The following VAX2 variants were observed in gnomAD, a reference collection of about 807,000 sequenced individuals.
VAX2 encodes the protein ventral anterior homeobox 2.
Under a neutral mutation model 12.5 loss-of-function variants are expected in VAX2, and 8 were observed. The observed-to-expected ratio is 0.64, with a 90% CI of 0.37 to 1.15. The LOEUF (loss-of-function observed/expected upper bound fraction) is 1.15. VAX2 is among the 50% of genes most tolerant of loss of function. VAX2 has a pLI of 0.01. For missense variants in VAX2, 476 were observed against 412.9 expected, an observed-to-expected ratio of 1.15 and a Z score of -1.32; for synonymous variants, 183 against 187.6, an observed-to-expected ratio of 0.98 and a Z score of 0.20.
intron 1 of VAX2, among the ~76,000 whole-genome samples, chr2:70,905,624 G>T (rs182082191): frequency 6.6e-6 from 1 of 152,148 alleles, no homozygotes; most frequent in African/African-American, 2.4e-5. Context: ...TCTGTTCCCC[G>T]CCTGGTCTGG....
chr2:70,908,512 A>T (rs1181834411), intron 1 of VAX2, among the ~76,000 whole-genome samples: 2 of 152,180 alleles, frequency 1.3e-5, no homozygotes, highest in African/African-American at 4.8e-5. Context: ...ATAATATTCC[A>T]TTTAAGTGGA....
intron 1 of VAX2, among the ~76,000 whole-genome samples, chr2:70,918,863 CAAAAA>C (rs531465293): frequency 1.0e-5 from 1 of 99,434 alleles, no homozygotes. Context: ...CCAGCCGTCT[CAAAAA>C]AAAAAAAAAA....
At chr2:70,917,451 G>A (rs1679335190) in intron 1 of VAX2, among the ~76,000 whole-genome samples, 1 of 152,014 alleles carries the variant, frequency 6.6e-6, no homozygotes, top group African/African-American at 2.4e-5. Flanking sequence ...AAACTGCCTG[G>A]CTAGTAGTAC....
At chr2:70,905,031 C>T (rs530800887) in intron 1 of VAX2, among the ~76,000 whole-genome samples, 1 of 152,192 alleles carries the variant, frequency 6.6e-6, no homozygotes, top group African/African-American at 2.4e-5. Flanking sequence ...CGCCTCGCCT[C>T]CAGCAGCCGG....
chr2:70,904,433 C>T lies in VAX2; in HGVS notation c.247+3565C>T, dbSNP rs559672095. Among the ~76,000 whole-genome samples the T allele has an allele frequency of 1.3e-5, 2 of 152,292 alleles. No homozygotes were observed. Among genetic ancestry groups the T allele is most frequent in the African/African-American group, 4.8e-5 (2 of 41,564 alleles). The stretch of plus-strand genomic sequence containing the variant: ...CCTGCACGCTCAAACGCACCTGTTT[C>T]CCAAATTAATCCAGACGCGAATTTA... On this transcript the variant is annotated intron_variant, in intron 1 of 2. Coordinates refer to ENST00000234392, the MANE Select transcript of VAX2 (RefSeq NM_012476.3). This position sits in a 1 kb window ranked among gnomAD's most constrained non-coding sequence, Gnocchi z 4.2.
rs1679422856 is a variant in VAX2 at position 70,920,261 on chromosome 2, C to T, written c.248-837C>T. On this transcript the variant is annotated intron_variant, in intron 1 of 2. Coordinates refer to ENST00000234392, the MANE Select transcript of VAX2 (RefSeq NM_012476.3). ...TTCTAATAACTAGATTTCAAGCCATCAGTATATGTGGGTCACACATGGATC... is the reference window on the plus strand; with the variant it reads ...TTCTAATAACTAGATTTCAAGCCATTAGTATATGTGGGTCACACATGGATC... Among the ~76,000 whole-genome samples the T allele has an allele frequency of 2.6e-5, 4 of 152,298 alleles. No homozygotes were observed. In the South Asian group the frequency reaches 8.3e-4, roughly 32 times the overall value.
chr2:70,915,179 A>C (rs534808262), intron 1 of VAX2, among the ~76,000 whole-genome samples: 2 of 151,934 alleles, frequency 1.3e-5, no homozygotes, highest in Non-Finnish European at 2.9e-5. Context: ...TTGTCATCCA[A>C]GTTTTTAGCT....
chr2:70,933,322 A>C lies in VAX2; in HGVS notation c.*118A>C. 1 of 1,038,984 alleles carries C rather than the reference A, an allele frequency of 9.6e-7. No homozygotes were observed. The highest frequency in any genetic ancestry group is 1.3e-6 in the Non-Finnish European group (1 of 778,516). The allele number at this position is 1,038,984 out of a possible 1,614,324, so 64.4% of individuals were successfully genotyped here. A position where few individuals can be genotyped will look rare whatever the true frequency, so the allele number is the denominator to read the frequency against. On this transcript the variant is annotated 3_prime_UTR_variant, in exon 3 of 3. Coordinates refer to ENST00000234392, the MANE Select transcript of VAX2 (RefSeq NM_012476.3). ...GGGCTGCAGCCACACACTCTTCCCC[A>C]CCTGCCCCCCAGCTCAGAGACTCGT...
Position 70,900,963 on chromosome 2 carries a change from A to G in VAX2, c.247+95A>G, listed in dbSNP as rs1678910469. ...CTGCAGCTGACACCTCTCAATTCAT[A>G]TATTCATTCATTCGTCATCCAGTCA... On this transcript the variant is annotated intron_variant, in intron 1 of 2. Transcript: ENST00000234392. The G allele has an allele frequency of 3.6e-6, 4 of 1,121,106 alleles. No individual in the cohort carries two copies. In the South Asian group the frequency reaches 9.4e-5, roughly 26 times the overall value. The allele number at this position is 1,121,106 out of a possible 1,614,324, so 69.4% of individuals were successfully genotyped here. A position where few individuals can be genotyped will look rare whatever the true frequency, so the allele number is the denominator to read the frequency against.
chr2:70,908,446 T>C (rs1679110211), intron 1 of VAX2, among the ~76,000 whole-genome samples: 1 of 152,364 alleles, frequency 6.6e-6, no homozygotes, highest in Non-Finnish European at 1.5e-5. Flanking sequence ...ATAACTTTTT[T>C]CTTCCAATAT....
intron 1 of VAX2, among the ~76,000 whole-genome samples, chr2:70,912,489 C>G (rs1338410226): frequency 2.0e-5 from 3 of 152,046 alleles, no homozygotes; most frequent in African/African-American, 4.8e-5. Context: ...TGGCGAAACC[C>G]CGTCCCTACT....
rs2104751582 is a variant in VAX2, at chr2:70,900,732, T to G, written c.111T>G (p.Asp37Glu). ...DRSGAGDLRADGGGHSPTEVA... is the reference protein window; with the variant it reads ...DRSGAGDLRAEGGGHSPTEVA... ...GCGGAGCGGGGGACTTGCGAGCTGA[T>G]GGCGGTGGCCACAGCCCAACGGAGG... The change falls in exon 1 of 3, where the codon GAT (aspartate) becomes GAG (glutamate). Residue 37 changes from aspartate to glutamate, a missense_variant. Coordinates refer to ENST00000234392, the MANE Select transcript of VAX2 (RefSeq NM_012476.3). 1 of 1,423,328 alleles carries G rather than the reference T, an allele frequency of 7.0e-7. No homozygotes were observed. The highest frequency in any genetic ancestry group is 3.0e-5 in the East Asian group (1 of 32,946). The allele number at this position is 1,423,328 out of a possible 1,614,324, so 88.2% of individuals were successfully genotyped here.
At chr2:70,919,719 G>C (rs1160119085) in intron 1 of VAX2, among the ~76,000 whole-genome samples, 1 of 152,096 alleles carries the variant, frequency 6.6e-6, no homozygotes, top group African/African-American at 2.4e-5. Flanking sequence ...GGGCGTGGTG[G>C]TGTGCTCCTG....
chr2:70,910,572 A>G (rs1679159698), intron 1 of VAX2, among the ~76,000 whole-genome samples: 1 of 152,084 alleles, frequency 6.6e-6, no homozygotes, highest in Non-Finnish European at 1.5e-5. Context: ...ATCTCATTTT[A>G]TTAGTAGTTT....
At chr2:70,930,690 T>C (rs1175403624) in intron 2 of VAX2, among the ~76,000 whole-genome samples, 9 of 152,238 alleles carry the variant, frequency 5.9e-5, no homozygotes, top group African/African-American at 2.2e-4. Context: ...CCAGTCTGTC[T>C]TGGCTCTGCC....
intron 1 of VAX2, 113 bp downstream of exon 1, chr2:70,900,981 T>C (rs1678910613): frequency 9.5e-7 from 1 of 1,057,792 alleles, no homozygotes; most frequent in Admixed American, 4.2e-5. Flanking sequence ...TCATTCGTCA[T>C]CCAGTCATTC....
Position 70,904,361 on chromosome 2 carries a change from G to A in VAX2, c.247+3493G>A, listed in dbSNP as rs1679003301. ...GGGATACCAGCAGGCAGAAGAGGTG[G>A]ACAACTCTGACCGCAGACTCCCTAC... On this transcript the variant is annotated intron_variant, in intron 1 of 2. Coordinates refer to ENST00000234392, the MANE Select transcript of VAX2 (RefSeq NM_012476.3). This position sits in a 1 kb window ranked among gnomAD's most constrained non-coding sequence, Gnocchi z 4.2. 6.6e-6 allele frequency among the ~76,000 whole-genome samples: 1 copy of A among 152,158 alleles called. No homozygotes were observed. The highest frequency in any genetic ancestry group is 2.1e-4 in the South Asian group (1 of 4,830).
intron 1 of VAX2, among the ~76,000 whole-genome samples, chr2:70,917,040 A>T (rs1225938201): frequency 1.3e-5 from 2 of 151,100 alleles, no homozygotes; most frequent in African/African-American, 4.9e-5. Context: ...AATCCCAGCT[A>T]CTTAGGAGGC....
At chr2:70,931,148 C>T (rs534669187) in intron 2 of VAX2, among the ~76,000 whole-genome samples, 66 of 152,360 alleles carry the variant, frequency 4.3e-4, no homozygotes, top group African/African-American at 1.3e-3. Context: ...TGAGCCTCAG[C>T]TTCCTGCCCA....
Sources: allele counts gnomAD v4.1 joint callset (sites outside exome capture counted in the v4.1 genomes callset), GRCh38; gene constraint gnomAD v4.1.1; non-coding constraint Gnocchi (gnomAD v3.1); transcripts MANE v1.5; gene names NCBI Gene and HGNC (gene_info 2026-07-23, HGNC 2026-07-21).